ARHGEF9: variants seen among roughly 807,000 people sequenced by gnomAD.
The protein encoded by ARHGEF9 is rho guanine nucleotide exchange factor 9.
A neutral mutation model predicts 41.3 loss-of-function variants in ARHGEF9; 2 were observed. The ratio of observed to expected loss-of-function variants is 0.05; its 90% CI spans 0.02 to 0.15. ARHGEF9 has a LOEUF of 0.15. Ranked by LOEUF, ARHGEF9 falls within the 10% of genes least tolerant of loss-of-function variation. The probability of loss-of-function intolerance (pLI) is 1.00; values close to 1 mark genes in which losing one functional copy is unlikely to be tolerated. For missense variants in ARHGEF9, 225 were observed against 424.7 expected (o/e 0.53, Z 4.13); for synonymous variants, 160 against 154.4 (o/e 1.04, Z -0.27).
At chrX:63,644,653 C>T (rs782495537) in intron 8 of ARHGEF9, among the ~76,000 whole-genome samples, 80 of 110,418 alleles carry the variant, frequency 7.2e-4, no homozygotes, top group African/African-American at 2.6e-3. Context: ...AAAAATCTGA[C>T]AAGCTTCACA....
intron 1 of ARHGEF9, among the ~76,000 whole-genome samples, chrX:63,772,316 T>A (rs781828209): frequency 8.9e-6 from 1 of 111,974 alleles, no homozygotes; most frequent in South Asian, 3.7e-4. Flanking sequence ...GCTGCATGGA[T>A]TTTTGCAGCA....
chrX:63,726,253 G>A (rs1381247778), intron 1 of ARHGEF9, among the ~76,000 whole-genome samples: 4 of 112,403 alleles, frequency 3.6e-5, no homozygotes, highest in Non-Finnish European at 5.6e-5. Flanking sequence ...CATGCTTTAC[G>A]CTTTGCTAAG....
intron 4 of ARHGEF9, among the ~76,000 whole-genome samples, chrX:63,688,436 T>G (rs1348522615): frequency 7.1e-5 from 8 of 112,114 alleles, no homozygotes; most frequent in Non-Finnish European, 1.9e-5. Context: ...AGTTATAAAA[T>G]AAACTGGTAA....
intron 7 of ARHGEF9, among the ~76,000 whole-genome samples, chrX:63,661,614 T>C (rs1388545370): frequency 1.8e-5 from 2 of 112,057 alleles, no homozygotes; most frequent in African/African-American, 3.2e-5. Context: ...TCTGGATTTT[T>C]TGGAAGAAAA....
intron 1 of ARHGEF9, among the ~76,000 whole-genome samples, chrX:63,742,067 G>T (rs1403159256): frequency 8.9e-6 from 1 of 112,233 alleles, no homozygotes; most frequent in African/African-American, 3.2e-5. Context: ...TCTTAAGCAG[G>T]ACAAAAGACC....
At chrX:63,687,969 C>T (rs2051090452) in intron 4 of ARHGEF9, among the ~76,000 whole-genome samples, 1 of 110,757 alleles carries the variant, frequency 9.0e-6, no homozygotes, top group Non-Finnish European at 1.9e-5. Context: ...AGAGACTTTT[C>T]CAAACCTAGA....
intron 1 of ARHGEF9, among the ~76,000 whole-genome samples, chrX:63,726,887 T>C (rs1556417429): frequency 8.9e-6 from 1 of 112,013 alleles, no homozygotes; most frequent in African/African-American, 3.2e-5. Context: ...TAATCATAGG[T>C]GCCCCTGATG....
At chrX:63,780,033 A>T (rs1556461174) in intron 1 of ARHGEF9, among the ~76,000 whole-genome samples, 1 of 111,858 alleles carries the variant, frequency 8.9e-6, no homozygotes, top group African/African-American at 3.2e-5. Flanking sequence ...AAGACTTCTT[A>T]AAAAGGAGGG....
chrX:63,781,274 C>A (rs1482371461), intron 1 of ARHGEF9, among the ~76,000 whole-genome samples: 1 of 111,591 alleles, frequency 9.0e-6, no homozygotes, highest in Admixed American at 9.5e-5. Flanking sequence ...TAAAAATGAT[C>A]CATTCTAGAT....
intron 3 of ARHGEF9, among the ~76,000 whole-genome samples, chrX:63,698,946 T>C (rs2051962052): frequency 8.9e-6 from 1 of 111,804 alleles, no homozygotes; most frequent in Non-Finnish European, 1.9e-5. Flanking sequence ...TTACAGAGGT[T>C]GCTCCCCAAA....
chrX:63,702,053 C>A (rs1351226764), intron 3 of ARHGEF9, among the ~76,000 whole-genome samples: 1 of 112,549 alleles, frequency 8.9e-6, no homozygotes, highest in African/African-American at 3.2e-5. Flanking sequence ...AAACCTCAGG[C>A]TTAAAATATA....
At position 63,665,977 on chromosome X, in the gene ARHGEF9, G is replaced by T. The variant is rs2049513657; in HGVS notation, c.986C>A (p.Thr329Asn). The T allele has an allele frequency of 1.7e-6, 2 of 1,210,099 alleles. No individual in the cohort carries two copies. The highest frequency in any genetic ancestry group is 2.2e-6 in the Non-Finnish European group (2 of 895,261). The change falls in exon 7 of 10, where the codon ACT becomes AAT. Residue 329 changes from threonine (T) to asparagine (N), a missense_variant. This residue lies in a region of ARHGEF9 where 36 missense variants were observed against 113.6 expected (regional missense o/e 0.32). Coordinates refer to ENST00000671741, the MANE Select transcript of ARHGEF9 (RefSeq NM_001353921.2). ...CTGGTAGATCCAGGCCATCTCCCCA[G>T]TGTAGATCAGCTCCGAGCTCCTGTC... is the stretch of plus-strand genomic sequence containing the variant. ...ILDRSSELIY[T>N]GEMAWIYQPY...
At chrX:63,744,517 A>G (rs1390349618) in intron 1 of ARHGEF9, among the ~76,000 whole-genome samples, 1 of 112,376 alleles carries the variant, frequency 8.9e-6, no homozygotes, top group African/African-American at 3.2e-5. Context: ...TGGCACTGTA[A>G]CTTCCAGAGC....
rs782336278 is a variant in ARHGEF9 at position 63,674,173 on chromosome X, A to G, written c.816-6T>C. 8.3e-7 allele frequency: 1 copy of G among 1,210,429 alleles called. No homozygotes were observed. The highest frequency in any genetic ancestry group is 1.8e-5 in the South Asian group (1 of 56,838). On this transcript the variant is annotated splice_region_variant and splice_polypyrimidine_tract_variant and intron_variant, in intron 5 of 9. Transcript: ENST00000671741. ...CTGCCACATACCTGTAGTCACTGTG[A>G]AAACAAAAGAGTGCAAGTTGAACCA...
At chrX:63,767,322 G>T in intron 1 of ARHGEF9, 1 of 681,424 alleles carries the variant, frequency 1.5e-6, no homozygotes, top group South Asian at 2.1e-5. Flanking sequence ...AGGCTTCCAA[G>T]AATGAGGCAA....
At chrX:63,672,257 C>T (rs1206716759) in intron 6 of ARHGEF9, among the ~76,000 whole-genome samples, 1 of 110,408 alleles carries the variant, frequency 9.1e-6, no homozygotes, top group Non-Finnish European at 1.9e-5. Context: ...CCAGCTTCCA[C>T]AATTATGAGA....
At chrX:63,662,412 C>A (rs187277259) in intron 7 of ARHGEF9, among the ~76,000 whole-genome samples, 2 of 111,913 alleles carry the variant, frequency 1.8e-5, no homozygotes, top group Non-Finnish European at 3.8e-5. Context: ...AAGTTACTGG[C>A]AAAATAGAAA....
At chrX:63,735,605 T>C (rs1556422287) in intron 1 of ARHGEF9, among the ~76,000 whole-genome samples, 1 of 111,972 alleles carries the variant, frequency 8.9e-6, no homozygotes, top group Non-Finnish European at 1.9e-5. Context: ...TGTGACCATC[T>C]GGTTTACAGT....
chrX:63,670,454 C>A (rs2049880816), intron 6 of ARHGEF9: 1 of 109,994 alleles, frequency 9.1e-6, no homozygotes, highest in East Asian at 2.9e-4. Context: ...GGAGAGGGAT[C>A]CCACAAAGAG....
Sources: gnomAD v4.1 joint callset for allele counts (sites outside exome capture counted in the v4.1 genomes callset) on GRCh38, gnomAD v4.1.1 for gene constraint, gnomAD v4.1.1 regional missense constraint, MANE v1.5 for transcripts, NCBI Gene and HGNC (gene_info 2026-07-23, HGNC 2026-07-21) for gene names.